The following RNF17 variants were observed in gnomAD, a reference collection of about 807,000 sequenced individuals.
The protein encoded by RNF17 is ring finger protein 17.
In RNF17, 31 loss-of-function variants were observed where a neutral mutation model predicts 200.5. The observed-to-expected ratio is 0.15, with a 90% CI of 0.12 to 0.21. RNF17 has a LOEUF of 0.21. Among genes scored for constraint, RNF17 ranks in the 10% least tolerant of loss-of-function variants. The pLI, the probability that RNF17 is intolerant of heterozygous loss-of-function variation, is 1.00. For synonymous variants in RNF17, 606 were observed against 637.8 expected, an observed-to-expected ratio of 0.95 and a Z score of 0.75; for missense variants, 1,628 against 1,905.1, an observed-to-expected ratio of 0.85 and a Z score of 2.71.
chr13:24,782,762 A>G (rs186810833), intron 6 of RNF17, among the ~76,000 whole-genome samples: 4 of 152,232 alleles, frequency 2.6e-5, no homozygotes, highest in African/African-American at 7.2e-5. Context: ...CTTGAGCCCA[A>G]TTGTTGCTAT....
intron 6 of RNF17, among the ~76,000 whole-genome samples, chr13:24,782,488 G>A (rs1192519224): frequency 2.0e-5 from 3 of 152,008 alleles, no homozygotes; most frequent in African/African-American, 7.3e-5. Flanking sequence ...GTACATAACG[G>A]TGCCCAGCTG....
At chr13:24,773,989 A>G (rs1257986551) in intron 2 of RNF17, among the ~76,000 whole-genome samples, 1 of 152,156 alleles carries the variant, frequency 6.6e-6, no homozygotes, top group Non-Finnish European at 1.5e-5. Flanking sequence ...AAATAAATGA[A>G]CATAAGAAAA....
At chr13:24,831,051 C>T (rs773707087) in intron 17 of RNF17, among the ~76,000 whole-genome samples, 1 of 151,942 alleles carries the variant, frequency 6.6e-6, no homozygotes, top group African/African-American at 2.4e-5. Context: ...TAAGAAGGAG[C>T]CTTGTTTTCT....
At chr13:24,875,775 C>G (rs1171478529) in intron 33 of RNF17, among the ~76,000 whole-genome samples, 1 of 152,204 alleles carries the variant, frequency 6.6e-6, no homozygotes, top group Non-Finnish European at 1.5e-5. Context: ...GAGCAAAGGT[C>G]ACGGCAACAA....
chr13:24,860,164 C>T (rs900775300), intron 26 of RNF17, among the ~76,000 whole-genome samples: 10 of 151,536 alleles, frequency 6.6e-5, no homozygotes, highest in Middle Eastern at 6.8e-3. Context: ...GACATACATT[C>T]GAGTTGCTCA....
the RNF17 span, chr13:24,751,262 C>G: frequency 6.6e-6 from 1 of 151,636 alleles, no homozygotes; most frequent in Non-Finnish European, 1.5e-5. Context: ...TCATCATCGT[C>G]AGCAGATGTA....
At chr13:24,795,465 T>G (rs1220918978) in intron 10 of RNF17, among the ~76,000 whole-genome samples, 1 of 151,820 alleles carries the variant, frequency 6.6e-6, no homozygotes, top group Non-Finnish European at 1.5e-5. Context: ...TACCACTGTT[T>G]TGTTTTTGCA....
intron 18 of RNF17, among the ~76,000 whole-genome samples, chr13:24,841,657 T>C (rs1285489336): frequency 1.3e-5 from 2 of 152,162 alleles, no homozygotes; most frequent in Non-Finnish European, 2.9e-5. Context: ...TTCCAATTTT[T>C]AAAAAAATTG....
chr13:24,812,142 C>G (rs4297559), intron 15 of RNF17, among the ~76,000 whole-genome samples: 141,502 of 144,176 alleles, frequency 0.98, 69,558 homozygotes, highest in Middle Eastern at 1. Flanking sequence ...GAGGCAGGCA[C>G]GTCTCCTTGA....
Position 24,870,611 on chromosome 13 carries a change from C to T in RNF17, c.4319C>T (p.Ser1440Phe), listed in dbSNP as rs1258385256. The part of the protein sequence containing the change: ...CLDSIETSNQ[S>F]NQHSDTDDSG... ...GATTCTATAGAAACTTCTAACCAGT[C>T]TAACCAGCATAGTGACACAGATGAT... The change falls in exon 32 of 36, where the codon TCT (serine) becomes TTT (phenylalanine). Residue 1440 changes from serine (S) to phenylalanine (F), a missense_variant. This residue lies in a region of RNF17 where 609 missense variants were observed against 681.9 expected (regional missense o/e 0.89). Transcript: ENST00000255324. 3 of 1,613,868 alleles carry T rather than the reference C, an allele frequency of 1.9e-6. No individual in the cohort carries two copies. Among genetic ancestry groups the T allele is most frequent in the Non-Finnish European group, 2.5e-6 (3 of 1,179,918 alleles).
In RNF17 at chr13:24,865,129, C is replaced by A. The variant is rs565299382; in HGVS notation, c.4101+131C>A. 8 of 625,900 alleles carry A rather than the reference C, an allele frequency of 1.3e-5. No homozygotes were observed. In the South Asian group the frequency reaches 1.8e-4, roughly 14 times the overall value. The allele number at this position is 625,900 out of a possible 1,614,324, so 38.8% of individuals were successfully genotyped here. ...CTATTAAGAGAGTCTAGAGGACTTACACATTTTTGCTGAGAAAGATGAATA... is the reference window on the plus strand; with the variant it reads ...CTATTAAGAGAGTCTAGAGGACTTAAACATTTTTGCTGAGAAAGATGAATA... On this transcript the variant is annotated intron_variant, in intron 29 of 35. Transcript: ENST00000255324.
chr13:24,770,025 T>G (rs1880425984), intron 2 of RNF17, among the ~76,000 whole-genome samples: 2 of 152,194 alleles, frequency 1.3e-5, no homozygotes, highest in Admixed American at 1.3e-4. Flanking sequence ...ACTGGCATTT[T>G]ATTAACTTTT....
At chr13:24,832,030 T>A in intron 18 of RNF17, 52 bp downstream of exon 18, 1 of 1,243,158 alleles carries the variant, frequency 8.0e-7, no homozygotes, top group Non-Finnish European at 1.1e-6. Context: ...TAAATAATAA[T>A]ATGAATAACA....
intron 15 of RNF17, among the ~76,000 whole-genome samples, chr13:24,809,835 G>C (rs925824210): frequency 1.3e-5 from 2 of 152,042 alleles, no homozygotes; most frequent in South Asian, 4.2e-4. Flanking sequence ...ATTCTGGTAT[G>C]TTGTGTCTTT....
intron 31 of RNF17, among the ~76,000 whole-genome samples, chr13:24,869,697 AAGAC>A (rs1894038507): frequency 6.6e-6 from 1 of 152,170 alleles, no homozygotes; most frequent in Admixed American, 6.5e-5. Flanking sequence ...GAGTTCTACC[AAGAC>A]AGAAGCTACA....
chr13:24,758,291 C>G, the RNF17 span, among the ~76,000 whole-genome samples: 1 of 152,106 alleles, frequency 6.6e-6, no homozygotes, highest in African/African-American at 2.4e-5. Flanking sequence ...GGTCTCTGAC[C>G]ACCCACCTCA....
chr13:24,747,819 C>G, the RNF17 span, among the ~76,000 whole-genome samples: 5 of 152,258 alleles, frequency 3.3e-5, no homozygotes, highest in Admixed American at 3.3e-4. Flanking sequence ...GCGCACAAAC[C>G]TCGGGAGAGA....
intron 4 of RNF17, among the ~76,000 whole-genome samples, chr13:24,778,961 G>T (rs116143918): frequency 6.6e-6 from 1 of 152,160 alleles, no homozygotes; most frequent in Non-Finnish European, 1.5e-5. Flanking sequence ...GACCAAGATG[G>T]GTAGATCACT....
chr13:24,854,957 TG>T (rs1362240534), intron 25 of RNF17, among the ~76,000 whole-genome samples: 1 of 152,218 alleles, frequency 6.6e-6, no homozygotes, highest in Non-Finnish European at 1.5e-5. Context: ...TCACGTCTCC[TG>T]TTTTGCCACC....
Sources: gnomAD v4.1 joint callset for allele counts (sites outside exome capture counted in the v4.1 genomes callset) on GRCh38, gnomAD v4.1.1 for gene constraint, gnomAD v4.1.1 regional missense constraint, MANE v1.5 for transcripts, NCBI Gene and HGNC (gene_info 2026-07-23, HGNC 2026-07-21) for gene names.